The following NUDCD3 variants were observed in gnomAD, a reference collection of about 807,000 sequenced individuals.
NUDCD3 encodes NudC domain containing 3.
Under a neutral mutation model 39.7 loss-of-function variants are expected in NUDCD3, and 13 were observed. That is an observed-to-expected ratio of 0.33 (90% CI 0.21 to 0.52). NUDCD3 has a LOEUF of 0.52. NUDCD3 is among the 20% of genes least tolerant of loss of function. NUDCD3 has a pLI of 0.96. For synonymous variants in NUDCD3, 175 were observed against 172.4 expected (o/e 1.02, Z -0.12); for missense variants, 453 against 458.1 (o/e 0.99, Z 0.10).
At chr7:44,475,115 T>C (rs2116970319) in intron 2 of NUDCD3, among the ~76,000 whole-genome samples, 1 of 150,932 alleles carries the variant, frequency 6.6e-6, no homozygotes, top group African/African-American at 2.4e-5. Context: ...TTCATTTCTT[T>C]TTTTTTTTTT....
intron 2 of NUDCD3, among the ~76,000 whole-genome samples, chr7:44,445,564 A>C (rs1354815447): frequency 6.6e-6 from 1 of 152,196 alleles, no homozygotes; most frequent in East Asian, 1.9e-4. Flanking sequence ...AGGTTGCTCC[A>C]CATCCGCAAT....
intron 2 of NUDCD3, among the ~76,000 whole-genome samples, chr7:44,464,274 C>CCAT (rs1387818599): frequency 6.6e-6 from 1 of 151,784 alleles, no homozygotes; most frequent in Admixed American, 6.6e-5. Context: ...TTAACTTCCT[C>CCAT]CAAATAACAG....
At chr7:44,414,490 G>T (rs547166301) in intron 3 of NUDCD3, among the ~76,000 whole-genome samples, 19 of 152,286 alleles carry the variant, frequency 1.2e-4, no homozygotes, top group East Asian at 3.9e-4. Context: ...TGGGGACACA[G>T]CAATACATGT....
rs56085815 is a variant in NUDCD3 at position 44,380,853 on chromosome 7, CCAA to C, written c.*5155_*5157del. On this transcript the variant is annotated 3_prime_UTR_variant, in exon 6 of 6. Transcript: ENST00000355451. Reference sequence around the variant, plus strand: ...GGCCTCCTCCAAACCCCACAGTGCCCCAACAACACTTCCTGTCCTCTGGTAGAC... The same window carrying C: ...GGCCTCCTCCAAACCCCACAGTGCCCCAACACTTCCTGTCCTCTGGTAGAC... The C allele has an allele frequency of 0.022, 3,370 of 152,468 alleles. 44 individuals are homozygous for C. Among genetic ancestry groups the C allele is most frequent in the Non-Finnish European group, 0.037 (2,497 of 68,138 alleles). 9.4% of individuals were successfully genotyped at this position (152,468 alleles called of 1,614,324 possible). A position where few individuals can be genotyped will look rare whatever the true frequency, so the allele number is the denominator to read the frequency against.
At chr7:44,475,432 A>G (rs145691586) in intron 2 of NUDCD3, among the ~76,000 whole-genome samples, 108 of 152,262 alleles carry the variant, frequency 7.1e-4, no homozygotes, top group African/African-American at 2.2e-3. Context: ...ATAAATATAC[A>G]TACATGTATT....
At chr7:44,451,657 C>A (rs1162679558) in intron 2 of NUDCD3, among the ~76,000 whole-genome samples, 1 of 151,846 alleles carries the variant, frequency 6.6e-6, no homozygotes, top group Non-Finnish European at 1.5e-5. Context: ...AGGAGGGGGT[C>A]CGAAGAAACT....
At chr7:44,437,445 G>A (rs1463708855) in intron 2 of NUDCD3, among the ~76,000 whole-genome samples, 1 of 152,072 alleles carries the variant, frequency 6.6e-6, no homozygotes, top group Non-Finnish European at 1.5e-5. Context: ...CGTCTATGTT[G>A]ATGTTTTTTT....
chr7:44,438,996 G>A (rs1399053235), intron 2 of NUDCD3, among the ~76,000 whole-genome samples: 2 of 152,144 alleles, frequency 1.3e-5, no homozygotes, highest in Non-Finnish European at 2.9e-5. Context: ...TGAAGAGGAG[G>A]CCAGTGAGGC....
intron 2 of NUDCD3, among the ~76,000 whole-genome samples, chr7:44,468,983 T>C (rs1007009699): frequency 5.3e-5 from 8 of 151,874 alleles, no homozygotes; most frequent in African/African-American, 1.9e-4. Flanking sequence ...TTACAGCATG[T>C]GAAACTTACA....
intron 3 of NUDCD3, chr7:44,426,335 G>A (rs142926745): frequency 6.2e-5 from 11 of 176,274 alleles, no homozygotes; most frequent in African/African-American, 2.4e-4. Flanking sequence ...TACCCATCAC[G>A]CCGCTAAGCA....
intron 3 of NUDCD3, 113 bp from the exon 4 acceptor site, chr7:44,404,696 C>A: frequency 1.8e-6 from 2 of 1,094,584 alleles, no homozygotes; most frequent in South Asian, 3.6e-5. Context: ...ACAGCGCTGT[C>A]ATCAGGCTCA....
intron 3 of NUDCD3, among the ~76,000 whole-genome samples, chr7:44,405,990 G>A (rs888970260): frequency 1.3e-5 from 2 of 152,158 alleles, no homozygotes; most frequent in Admixed American, 1.3e-4. Flanking sequence ...TGTAGAGACA[G>A]GGGTCTTGCT....
At chr7:44,411,730 T>C (rs890876917) in intron 3 of NUDCD3, among the ~76,000 whole-genome samples, 43 of 152,350 alleles carry the variant, frequency 2.8e-4, no homozygotes, top group African/African-American at 9.9e-4. Context: ...GAAAACTGTT[T>C]GACAGTTCCT....
At chr7:44,404,010 T>A (rs1051178246) in intron 4 of NUDCD3, among the ~76,000 whole-genome samples, 1 of 152,164 alleles carries the variant, frequency 6.6e-6, no homozygotes, top group African/African-American at 2.4e-5. Context: ...TGGTAACATG[T>A]GAGCTGTTCA....
rs559238340 is a variant in NUDCD3, at chr7:44,426,584, C to G, written c.642+987G>C. On this transcript the variant is annotated intron_variant, in intron 3 of 5. Transcript: ENST00000355451. ...GGCCGAGGCGGGCGGATCACGAGGT[C>G]AGGAGATCGAGACCATCCTGGCTAA... is the stretch of plus-strand genomic sequence containing the variant. Among the ~76,000 whole-genome samples, 16 of 152,212 alleles carry G rather than the reference C, an allele frequency of 1.1e-4. No individual in the cohort carries two copies. In the South Asian group the frequency reaches 2.9e-3, roughly 28 times the overall value.
At position 44,490,640 on chromosome 7, in the gene NUDCD3, C is replaced by T; in HGVS notation, c.-40G>A. 4.5e-6 allele frequency: 7 copies of T among 1,540,688 alleles called. No homozygotes were observed. Among genetic ancestry groups the T allele is most frequent in the Non-Finnish European group, 6.1e-6 (7 of 1,144,364 alleles). ...TAGGTACGCTTCACACACACAGCGC[C>T]GCCTCAGACCTGCCGACTGGCCACT... On this transcript the variant is annotated 5_prime_UTR_variant, in exon 1 of 6. Transcript: ENST00000355451.
intron 3 of NUDCD3, among the ~76,000 whole-genome samples, chr7:44,411,538 A>G (rs1250558071): frequency 6.6e-6 from 1 of 152,248 alleles, no homozygotes; most frequent in Non-Finnish European, 1.5e-5. Context: ...GCTCAATGTT[A>G]TTAGTCATGA....
chr7:44,433,268 G>T (rs979036224), intron 2 of NUDCD3, among the ~76,000 whole-genome samples: 1 of 152,188 alleles, frequency 6.6e-6, no homozygotes, highest in Non-Finnish European at 1.5e-5. Context: ...CAACATGTGT[G>T]TGTGTGTGTA....
intron 2 of NUDCD3, among the ~76,000 whole-genome samples, chr7:44,478,628 GCAA>G (rs1800429519): frequency 6.6e-6 from 1 of 152,208 alleles, no homozygotes; most frequent in Non-Finnish European, 1.5e-5. Flanking sequence ...TGCCCTGGCA[GCAA>G]CAGTAGGGCA....
Sources: allele counts gnomAD v4.1 joint callset (sites outside exome capture counted in the v4.1 genomes callset), GRCh38; gene constraint gnomAD v4.1.1; transcripts MANE v1.5; gene names NCBI Gene and HGNC (gene_info 2026-07-23, HGNC 2026-07-21).